Variants in DTNA observed in about 807,000 individuals in gnomAD.
The protein encoded by DTNA is dystrophin-related protein 3.
In DTNA, 43 loss-of-function variants were observed where a neutral mutation model predicts 100.7. The observed-to-expected ratio is 0.43, with a 90% confidence interval of 0.33 to 0.55. The LOEUF is 0.55. DTNA is among the 20% of genes least tolerant of loss of function. The pLI is 0.04. For synonymous variants in DTNA, 349 were observed against 347.9 expected, an observed-to-expected ratio of 1.00 and a Z score of -0.04; for missense variants, 798 against 953.9, an observed-to-expected ratio of 0.84 and a Z score of 2.15.
chr18:34,698,112 CCT>C (rs2080843276), intron 1 of DTNA, among the ~76,000 whole-genome samples: 1 of 152,166 alleles, frequency 6.6e-6, no homozygotes, highest in Admixed American at 6.5e-5. Context: ...TTGGGTCTTG[CCT>C]CTCCACTCGT....
chr18:34,728,490 G>A (rs2087279032), intron 1 of DTNA, among the ~76,000 whole-genome samples: 1 of 151,884 alleles, frequency 6.6e-6, no homozygotes, highest in Non-Finnish European at 1.5e-5. Context: ...CTCATCCCAG[G>A]ATAAAACTGT....
chr18:34,787,033 G>T (rs569415549), intron 3 of DTNA, among the ~76,000 whole-genome samples: 1 of 152,166 alleles, frequency 6.6e-6, no homozygotes. Context: ...CTAGGTCTGT[G>T]TGGGAGCCTA....
At chr18:34,870,133 TG>T (rs1314112478) in intron 17 of DTNA, among the ~76,000 whole-genome samples, 7 of 152,358 alleles carry the variant, frequency 4.6e-5, no homozygotes, top group African/African-American at 1.7e-4. Context: ...GGGATTGAAT[TG>T]TTTCTTATTT....
intron 1 of DTNA, among the ~76,000 whole-genome samples, chr18:34,671,325 T>C (rs945544057): frequency 1.3e-5 from 2 of 152,216 alleles, no homozygotes. Flanking sequence ...AGGTGCTGTC[T>C]GTCACAGATT....
At chr18:34,722,055 GT>G (rs2085455814) in intron 1 of DTNA, among the ~76,000 whole-genome samples, 1 of 151,902 alleles carries the variant, frequency 6.6e-6, no homozygotes, top group Non-Finnish European at 1.5e-5. Context: ...TTCCTAAAAT[GT>G]TTAAAAAAAG....
intron 1 of DTNA, among the ~76,000 whole-genome samples, chr18:34,725,091 T>G (rs2086296837): frequency 6.6e-6 from 1 of 151,954 alleles, no homozygotes; most frequent in Admixed American, 6.6e-5. Flanking sequence ...ATACAAAAAT[T>G]AACTCAAGAT....
At chr18:34,518,011 A>G (rs921690003) in intron 1 of DTNA, among the ~76,000 whole-genome samples, 1 of 152,180 alleles carries the variant, frequency 6.6e-6, no homozygotes, top group African/African-American at 2.4e-5. Flanking sequence ...ACTGCAAGCT[A>G]TATTTCAGAA....
intron 1 of DTNA, among the ~76,000 whole-genome samples, chr18:34,577,472 T>A (rs189736592): frequency 1.3e-3 from 199 of 152,290 alleles, no homozygotes; most frequent in African/African-American, 4.3e-3. Flanking sequence ...TTCCATAGGT[T>A]TTTGGGGAAC....
rs545801824 is a variant in DTNA, at chr18:34,526,538, A to C, written c.-2+33024A>C. Among the ~76,000 whole-genome samples, 141 of 150,798 alleles carry C rather than the reference A, an allele frequency of 9.4e-4. 1 individual carries two copies. The highest frequency in any genetic ancestry group is 2.8e-3 in the African/African-American group (115 of 41,232). On this transcript the variant is annotated intron_variant, in intron 1 of 19. Transcript: ENST00000283365. ...ACAGTTCCTAGCACATATTACACTA[A>C]GTATTACCTATTACTGTTATTAGAA...
At chr18:34,884,346 A>G (rs1329312257) in intron 21 of DTNA, among the ~76,000 whole-genome samples, 3 of 152,154 alleles carry the variant, frequency 2.0e-5, no homozygotes, top group Non-Finnish European at 4.4e-5. Context: ...TCTATGAGTA[A>G]AATGAAGGGA....
chr18:34,692,113 C>T lies in DTNA; in HGVS notation c.-1-63863C>T, dbSNP rs769102740. 3.9e-5 allele frequency among the ~76,000 whole-genome samples: 6 copies of T among 152,162 alleles called. No homozygotes were observed. The East Asian group carries it at 5.8e-4, about 15-fold the overall frequency. On this transcript the variant is annotated intron_variant, in intron 1 of 19. Coordinates refer to the DTNA transcript ENST00000283365. ...CCAAGTCTCCTCCTCTTTGAAGTTC[C>T]TATACCAAGTTCAGAAGTAGTCTTC...
chr18:34,709,454 G>A (rs745390644), upstream of DTNA: 2 of 152,182 alleles, frequency 1.3e-5, no homozygotes, highest in African/African-American at 2.4e-5. Flanking sequence ...GCTGGCAAGC[G>A]GGGAAGCTCC....
At chr18:34,573,173 TTTCCTTTA>T (rs1259568709) in intron 1 of DTNA, among the ~76,000 whole-genome samples, 2 of 152,224 alleles carry the variant, frequency 1.3e-5, no homozygotes, top group Admixed American at 6.5e-5. Context: ...ATATTTCTGC[TTTCCTTTA>T]TTCCTTTATT....
At chr18:34,803,938 T>C (rs1003392396) in intron 4 of DTNA, among the ~76,000 whole-genome samples, 4 of 152,182 alleles carry the variant, frequency 2.6e-5, no homozygotes, top group Non-Finnish European at 5.9e-5. Context: ...GACCAAGTGC[T>C]AGGCACTAGG....
At chr18:34,858,821 G>A (rs1267532254) in intron 16 of DTNA, among the ~76,000 whole-genome samples, 2 of 151,942 alleles carry the variant, frequency 1.3e-5, no homozygotes, top group East Asian at 3.9e-4. Context: ...ATATTAGTCA[G>A]ACTGGTCGCA....
Position 34,811,985 on chromosome 18 carries a change from A to G in DTNA, c.475A>G (p.Ser159Gly). 6.2e-7 allele frequency: 1 copy of G among 1,613,944 alleles called. No homozygotes were observed. The highest frequency in any genetic ancestry group is 8.5e-7 in the Non-Finnish European group (1 of 1,179,926). The change falls in exon 6 of 23, where the codon AGT (serine) becomes GGT (glycine). Residue 159 changes from serine to glycine, a missense_variant. This residue lies in a region of DTNA where 197 missense variants were observed against 215.4 expected (regional missense o/e 0.91). Transcript: ENST00000444659. ...RYIFSMISDS[S>G]GVMVYGRYDQ... is the part of the protein sequence containing the mutation. ...TATTTTCTCAATGATTTCTGACTCC[A>G]GTGGGGTGATGGTTTATGGACGATA...
intron 1 of DTNA, among the ~76,000 whole-genome samples, chr18:34,652,615 G>A (rs879502317): frequency 1.3e-5 from 2 of 152,202 alleles, no homozygotes; most frequent in African/African-American, 2.4e-5. Context: ...TATAGAGGGT[G>A]CCATGCTACT....
intron 17 of DTNA, chr18:34,868,750 C>T: frequency 1.0e-6 from 1 of 985,152 alleles, no homozygotes; most frequent in Non-Finnish European, 1.2e-6. Flanking sequence ...AAAAATAGTG[C>T]CTGTAATATA....
chr18:34,849,664 A>G (rs2096445854), intron 14 of DTNA, among the ~76,000 whole-genome samples: 1 of 152,228 alleles, frequency 6.6e-6, no homozygotes, highest in South Asian at 2.1e-4. Flanking sequence ...AGTGTTTTCA[A>G]TTCTTTATTA....
Sources: allele counts gnomAD v4.1 joint callset (sites outside exome capture counted in the v4.1 genomes callset), GRCh38; gene constraint gnomAD v4.1.1; regional missense constraint gnomAD v4.1.1; transcripts MANE v1.5; gene names NCBI Gene and HGNC (gene_info 2026-07-23, HGNC 2026-07-21).